SLC7A4: variants seen among roughly 807,000 people sequenced by gnomAD.
SLC7A4 encodes the protein solute carrier family 7 member 4.
A neutral mutation model predicts 37.8 loss-of-function variants in SLC7A4; 30 were observed. The ratio of observed to expected loss-of-function variants is 0.79; its 90% CI spans 0.59 to 1.08. The LOEUF is 1.08. Among genes scored for constraint, SLC7A4 ranks in the 50% least tolerant of loss-of-function variants. The pLI is 0.00. For missense variants in SLC7A4, 839 were observed against 843.2 expected (o/e 1.00, Z 0.06); for synonymous variants, 359 against 376.5 (o/e 0.95, Z 0.54).
rs2148113857 is a variant in SLC7A4 at position 21,029,362 on chromosome 22, AC to A, written c.1705del (p.Val569CysfsTer8). The A allele has an allele frequency of 6.2e-7, 1 of 1,613,700 alleles. No homozygotes were observed. Among genetic ancestry groups the A allele is most frequent in the Non-Finnish European group, 8.5e-7 (1 of 1,179,902 alleles). The part of the protein sequence containing the change: ...LMLKLSYLTW[V>X]RFSIWLLMGL... ...CATCAGCAGCCAGATGGAGAAGCGC[AC>A]CCAGGTCAGATAGCTAAGTTTCAGC... On this transcript the variant is annotated frameshift_variant, in exon 4 of 5. Transcript: ENST00000382932. LOFTEE classifies it high-confidence loss of function.
At chr22:21,032,028 G>A (rs1928904992) in intron 1 of SLC7A4, among the ~76,000 whole-genome samples, 176 bp from the exon 2 acceptor site, 1 of 152,216 alleles carries the variant, frequency 6.6e-6, no homozygotes, top group Admixed American at 6.5e-5. Flanking sequence ...CTGTGGGCAG[G>A]AGGTCACAGG....
rs981022969 is a variant in SLC7A4, at chr22:21,031,831, G to C, written c.-19C>G. ...GGGCCATGGCAGGTGGCCGAGAAGA[G>C]CACCGAGCCAGCTACTGGAACCTGC... On this transcript the variant is annotated 5_prime_UTR_variant, in exon 2 of 5. Transcript: ENST00000382932. 1 of 1,474,284 alleles carries C rather than the reference G, an allele frequency of 6.8e-7. No individual in the cohort carries two copies. The highest frequency in any genetic ancestry group is 2.4e-5 in the East Asian group (1 of 42,176). 91.3% of individuals were successfully genotyped at this position (1,474,284 alleles called of 1,614,324 possible).
chr22:21,031,561 C>T lies in SLC7A4; in HGVS notation c.252G>A (p.Leu84=), dbSNP rs745790075. ...SFGVAAVASL[L]AALCYAEFGA... is the part of the protein sequence containing the mutation. The stretch of plus-strand genomic sequence containing the variant: ...CAAATTCTGCATAGCATAGGGCTGC[C>T]AGCAGGGAGGCCACAGCGGCCACAC... The change falls in exon 2 of 5, where the codon CTG becomes CTA. Residue 84 remains leucine, a synonymous_variant. Coordinates refer to ENST00000382932, the MANE Select transcript of SLC7A4 (RefSeq NM_004173.3). 3.7e-6 allele frequency: 6 copies of T among 1,608,500 alleles called. No homozygotes were observed. Among genetic ancestry groups the T allele is most frequent in the Non-Finnish European group, 5.1e-6 (6 of 1,178,344 alleles).
Position 21,029,971 on chromosome 22 carries a change from G to A in SLC7A4, c.1363C>T (p.Pro455Ser). 6.2e-7 allele frequency: 1 copy of A among 1,613,870 alleles called. No individual in the cohort carries two copies. Among genetic ancestry groups the A allele is most frequent in the Non-Finnish European group, 8.5e-7 (1 of 1,179,984 alleles). The change falls in exon 3 of 5, where the codon CCA (proline) becomes TCA (serine). Residue 455 changes from proline (P) to serine (S), a missense_variant. Transcript: ENST00000382932. ...VGTVHASVPE[P>S]GELKPALRPY... ...CTCAGGGCTGGCTTCAGCTCCCCTG[G>A]CTCAGGGACGGAGGCGTGTACAGTG...
In SLC7A4 at chr22:21,030,860, C is replaced by T; in HGVS notation, c.953G>A (p.Gly318Asp). Reference sequence around the variant, plus strand: ...GATGGAGCCAGCTGCCACGATGAAGCCAGCCCACCTGTAGCCCCGCTGGTA... The same window carrying T: ...GATGGAGCCAGCTGCCACGATGAAGTCAGCCCACCTGTAGCCCCGCTGGTA... ...AFYQRGYRWA[G>D]FIVAAGSICA... Residue 318 changes from glycine (G) to aspartate (D), a missense_variant, in exon 2 of 5, where the codon GGC becomes GAC. Transcript: ENST00000382932. 1.9e-6 allele frequency: 3 copies of T among 1,601,552 alleles called. No individual in the cohort carries two copies. The highest frequency in any genetic ancestry group is 2.6e-6 in the Non-Finnish European group (3 of 1,173,818).
In SLC7A4 at chr22:21,030,153, A is replaced by G. The variant is rs778498398; in HGVS notation, c.1181T>C (p.Leu394Pro). ...LLDLESLVQF[L>P]SLGTLLAYTF... Reference sequence around the variant, plus strand: ...GTAGGCCAGGAGTGTGCCAAGGGACAGGAACTGAACCAGCGACTCCAGGTC... The same window carrying G: ...GTAGGCCAGGAGTGTGCCAAGGGACGGGAACTGAACCAGCGACTCCAGGTC... The change falls in exon 3 of 5, where the codon CTG becomes CCG. Residue 394 changes from leucine (L) to proline (P), a missense_variant. Physicochemically the swap from Leu to Pro is moderately conservative, Grantham distance 98. Coordinates refer to ENST00000382932, the MANE Select transcript of SLC7A4 (RefSeq NM_004173.3). 4 of 1,613,830 alleles carry G rather than the reference A, an allele frequency of 2.5e-6. No homozygotes were observed. Among genetic ancestry groups the G allele is most frequent in the East Asian group, 4.5e-5 (2 of 44,876 alleles).
In SLC7A4 at chr22:21,031,139, T is replaced by A. The variant is rs1928870305; in HGVS notation, c.674A>T (p.Asp225Val). The A allele has an allele frequency of 1.2e-6, 2 of 1,613,370 alleles. No individual in the cohort carries two copies. The highest frequency in any genetic ancestry group is 1.7e-6 in the Non-Finnish European group (2 of 1,179,740). The change falls in exon 2 of 5, where the codon GAC (aspartate) becomes GTC (valine). Residue 225 changes from aspartate to valine, a missense_variant. Asp to Val is a radical substitution (Grantham distance 152). Coordinates refer to ENST00000382932, the MANE Select transcript of SLC7A4 (RefSeq NM_004173.3). ...GCCGAAGGGTGCAAAGCCGCCTTCGTCAGCGCTCCAGTTGTGAGGCTGGGC... is the reference window on the plus strand; with the variant it reads ...GCCGAAGGGTGCAAAGCCGCCTTCGACAGCGCTCCAGTTGTGAGGCTGGGC... ...ILAQPHNWSA[D>V]EGGFAPFGFS...
In SLC7A4 at chr22:21,031,045, G is replaced by A; in HGVS notation, c.768C>T (p.Ala256=). 1.2e-6 allele frequency: 2 copies of A among 1,614,168 alleles called. No individual in the cohort carries two copies. Among genetic ancestry groups the A allele is most frequent in the Non-Finnish European group, 1.7e-6 (2 of 1,180,028 alleles). ...YAFVGFDVIA[A]SSEEAQNPRR... ...GTGGGTTCTGGGCCTCCTCACTGGA[G>A]GCGGCAATGACGTCGAAGCCCACGA... is the stretch of plus-strand genomic sequence containing the variant. Residue 256 remains alanine (A), a synonymous_variant, in exon 2 of 5, where the codon GCC becomes GCT. Coordinates refer to ENST00000382932, the MANE Select transcript of SLC7A4 (RefSeq NM_004173.3).
chr22:21,029,845 C>T lies in SLC7A4; in HGVS notation c.1489G>A (p.Val497Ile), dbSNP rs371746371. 2 of 1,613,692 alleles carry T rather than the reference C, an allele frequency of 1.2e-6. No individual in the cohort carries two copies. The highest frequency in any genetic ancestry group is 1.7e-6 in the Non-Finnish European group (2 of 1,180,010). The change falls in exon 3 of 5, where the codon GTC becomes ATC. Residue 497 changes from valine to isoleucine, a missense_variant. Coordinates refer to ENST00000382932, the MANE Select transcript of SLC7A4 (RefSeq NM_004173.3). The stretch of plus-strand genomic sequence containing the variant: ...AGGTGCAGGGTCGAGTTCCCAAAGA[C>T]AAGCACGCAGCCTATGGTGATGGCT... The part of the protein sequence containing the change: ...ASAITIGCVL[V>I]FGNSTLHLPH...
In SLC7A4 at chr22:21,030,901, C is replaced by T. The variant is rs761087799; in HGVS notation, c.912G>A (p.Ala304=). Residue 304 remains alanine (A), a synonymous_variant, in exon 2 of 5, where the codon GCG becomes GCA. Coordinates refer to ENST00000382932, the MANE Select transcript of SLC7A4 (RefSeq NM_004173.3). ...VPWHSLDPDS[A]LADAFYQRGY... ...CCCGCTGGTAGAAGGCATCTGCAAGCGCTGAGTCGGGGTCCAGGCTGTGCC... is the reference window on the plus strand; with the variant it reads ...CCCGCTGGTAGAAGGCATCTGCAAGTGCTGAGTCGGGGTCCAGGCTGTGCC... 2.3e-5 allele frequency: 37 copies of T among 1,613,622 alleles called. No individual in the cohort carries two copies. Among genetic ancestry groups the T allele is most frequent in the East Asian group, 6.7e-5 (3 of 44,844 alleles).
intron 3 of SLC7A4, 28 bp from the exon 4 acceptor site, chr22:21,029,472 G>A: frequency 6.5e-7 from 1 of 1,543,320 alleles, no homozygotes; most frequent in Non-Finnish European, 9.0e-7. Flanking sequence ...GGGCAGGGCT[G>A]GGCCGGGCTG....
intron 4 of SLC7A4, 29 bp from the exon 5 acceptor site, chr22:21,029,259 C>T: frequency 2.5e-6 from 4 of 1,612,936 alleles, no homozygotes; most frequent in Non-Finnish European, 2.5e-6. Flanking sequence ...AGGGCATGAG[C>T]CTGAGGTACA....
rs561282412 is a variant in SLC7A4, at chr22:21,028,804, G to T, written c.*251C>A. ...CCTTCCCATCCACCCCACCACAACT[G>T]CCCAGGTAGCTGGAGCTGATCATAA... On this transcript the variant is annotated 3_prime_UTR_variant, in exon 5 of 5. Transcript: ENST00000382932. 9 of 416,382 alleles carry T rather than the reference G, an allele frequency of 2.2e-5. No homozygotes were observed. The South Asian group carries it at 4.3e-4, about 20-fold the overall frequency. The allele number at this position is 416,382 out of a possible 1,614,324, so 25.8% of individuals were successfully genotyped here. A position where few individuals can be genotyped will look rare whatever the true frequency, so the allele number is the denominator to read the frequency against.
chr22:21,030,114 G>T lies in SLC7A4; in HGVS notation c.1220C>A (p.Thr407Asn), dbSNP rs775378627. ...GTLLAYTFVA[T>N]SIIVLRFQKS... Reference sequence around the variant, plus strand: ...CTGGAAGCGCAGCACAATGATACTGGTGGCCACGAATGTGTAGGCCAGGAG... The same window carrying T: ...CTGGAAGCGCAGCACAATGATACTGTTGGCCACGAATGTGTAGGCCAGGAG... The change falls in exon 3 of 5, where the codon ACC becomes AAC. Residue 407 changes from threonine (T) to asparagine (N), a missense_variant. Physicochemically the swap from Thr to Asn is moderately conservative, Grantham distance 65. Coordinates refer to ENST00000382932, the MANE Select transcript of SLC7A4 (RefSeq NM_004173.3). 1.2e-6 allele frequency: 2 copies of T among 1,613,362 alleles called. No individual in the cohort carries two copies. The highest frequency in any genetic ancestry group is 4.5e-5 in the East Asian group (2 of 44,860).
Position 21,029,761 on chromosome 22 carries a change from G to A in SLC7A4, c.1573C>T (p.Leu525Phe). ...TGCTGGTGAGCCCCCAGGACAAGGAGGCTGAGCAGAAACATGACACTGGTG... is the reference window on the plus strand; with the variant it reads ...TGCTGGTGAGCCCCCAGGACAAGGAAGCTGAGCAGAAACATGACACTGGTG... ...LLTSVMFLLSLLVLGAHQQQY... is the reference protein window; with the variant it reads ...LLTSVMFLLSFLVLGAHQQQY... The change falls in exon 3 of 5, where the codon CTC (leucine) becomes TTC (phenylalanine). Residue 525 changes from leucine (L) to phenylalanine (F), a missense_variant. By Grantham distance (22) the Leu-to-Phe change is conservative. Transcript: ENST00000382932. The A allele has an allele frequency of 6.2e-7, 1 of 1,613,308 alleles. No homozygotes were observed. Among genetic ancestry groups the A allele is most frequent in the South Asian group, 1.1e-5 (1 of 91,084 alleles).
At position 21,030,309 on chromosome 22, in the gene SLC7A4, C is replaced by A; in HGVS notation, c.1025G>T (p.Arg342Leu). The A allele has an allele frequency of 1.9e-6, 3 of 1,611,856 alleles. No homozygotes were observed. The highest frequency in any genetic ancestry group is 2.5e-6 in the Non-Finnish European group (3 of 1,178,720). Residue 342 changes from arginine (R) to leucine (L), a missense_variant, in exon 3 of 5, where the codon CGC (arginine) becomes CTC (leucine). By Grantham distance (102) the Arg-to-Leu change is moderately radical. Transcript: ENST00000382932. Reference protein sequence around the residue: ...VLLSLLFSLPRIVYAMAADGL... With the variant: ...VLLSLLFSLPLIVYAMAADGL... ...ATCGGCGGCCATGGCATAGACAATG[C>A]GTGGCAGGGAGAAGAGGAGGCTGAG...
In SLC7A4 at chr22:21,031,474, C is replaced by T. The variant is rs1219943193; in HGVS notation, c.339G>A (p.Leu113=). 2 of 1,605,656 alleles carry T rather than the reference C, an allele frequency of 1.2e-6. No individual in the cohort carries two copies. Among genetic ancestry groups the T allele is most frequent in the Admixed American group, 1.7e-5 (1 of 59,006 alleles). The change falls in exon 2 of 5, where the codon CTG becomes CTA. Residue 113 remains leucine, a synonymous_variant. Coordinates refer to ENST00000382932, the MANE Select transcript of SLC7A4 (RefSeq NM_004173.3). ...YLFTYVSMGE[L]WAFLIGWNVL... ...CATTCCAGCCGATGAGGAAGGCCCA[C>T]AGCTCGCCCATGGATACGTAGGTGA...
At position 21,029,956 on chromosome 22, in the gene SLC7A4, G is replaced by A; in HGVS notation, c.1378C>T (p.Pro460Ser). The change falls in exon 3 of 5, where the codon CCA becomes TCA. Residue 460 changes from proline to serine, a missense_variant. Pro to Ser is a moderately conservative substitution (Grantham distance 74). Coordinates refer to ENST00000382932, the MANE Select transcript of SLC7A4 (RefSeq NM_004173.3). Reference sequence around the variant, plus strand: ...AAGCCCAGGTAGGGCCTCAGGGCTGGCTTCAGCTCCCCTGGCTCAGGGACG... The same window carrying A: ...AAGCCCAGGTAGGGCCTCAGGGCTGACTTCAGCTCCCCTGGCTCAGGGACG... ...ASVPEPGELK[P>S]ALRPYLGFLD... 1 of 1,613,952 alleles carries A rather than the reference G, an allele frequency of 6.2e-7. No homozygotes were observed. Among genetic ancestry groups the A allele is most frequent in the Non-Finnish European group, 8.5e-7 (1 of 1,180,004 alleles).
Position 21,029,120 on chromosome 22 carries a change from C to T in SLC7A4, c.1843G>A (p.Glu615Lys), listed in dbSNP as rs879223345. The T allele has an allele frequency of 1.2e-6, 2 of 1,613,572 alleles. No individual in the cohort carries two copies. Among genetic ancestry groups the T allele is most frequent in the South Asian group, 1.1e-5 (1 of 91,058 alleles). ...GGGGGCTGCATAGCCTGCACTGTCT[C>T]CTCCAGGCTGCCCCTGGGGAATACC... ...YVVFPRGSLE[E>K]TVQAMQPPSQ... Residue 615 changes from glutamate to lysine, a missense_variant, in exon 5 of 5, where the codon GAG becomes AAG. Coordinates refer to ENST00000382932, the MANE Select transcript of SLC7A4 (RefSeq NM_004173.3).
Sources: gnomAD v4.1 joint callset for allele counts (sites outside exome capture counted in the v4.1 genomes callset) on GRCh38, gnomAD v4.1.1 for gene constraint, MANE v1.5 for transcripts, NCBI Gene and HGNC (gene_info 2026-07-23, HGNC 2026-07-21) for gene names.